The following FGD6 variants were observed in gnomAD, a reference collection of about 807,000 sequenced individuals.
The protein encoded by FGD6 is FYVE, RhoGEF and PH domain containing 6.
Under a neutral mutation model 149.4 loss-of-function variants are expected in FGD6, and 90 were observed. That is an observed-to-expected ratio of 0.60 (90% CI 0.51 to 0.72). The LOEUF is 0.72. FGD6 is among the 30% of genes least tolerant of loss of function. The pLI, the probability that FGD6 is intolerant of heterozygous loss-of-function variation, is 0.00. For synonymous variants in FGD6, 527 were observed against 584.0 expected (o/e 0.90, Z 1.41); for missense variants, 1,437 against 1,684.8 (o/e 0.85, Z 2.57).
chr12:95,155,292 C>T (rs376329949), intron 3 of FGD6, among the ~76,000 whole-genome samples: 4 of 152,088 alleles, frequency 2.6e-5, no homozygotes, highest in Non-Finnish European at 4.4e-5. Flanking sequence ...TTTGGCAGGC[C>T]GAGGCAGGTG....
intron 2 of FGD6, among the ~76,000 whole-genome samples, chr12:95,206,273 C>T (rs1307879242): frequency 6.6e-6 from 1 of 151,576 alleles, no homozygotes; most frequent in African/African-American, 2.4e-5. Context: ...TGTGAAGAAG[C>T]CAACCAAACT....
In FGD6 at chr12:95,079,628, A is replaced by C. The variant is rs1877606387; in HGVS notation, c.*1892T>G. The C allele has an allele frequency of 6.6e-6, 1 of 152,210 alleles. No homozygotes were observed. Among genetic ancestry groups the C allele is most frequent in the African/African-American group, 2.4e-5 (1 of 41,458 alleles). 9.4% of individuals were successfully genotyped at this position (152,210 alleles called of 1,614,324 possible). A position where few individuals can be genotyped will look rare whatever the true frequency, so the allele number is the denominator to read the frequency against. On this transcript the variant is annotated 3_prime_UTR_variant, in exon 21 of 21. Transcript: ENST00000343958. Reference sequence around the variant, plus strand: ...TGGAAGCCTTATTTATGTGATCTTGATTATATAAAATTGAGCTACAAAGAA... The same window carrying C: ...TGGAAGCCTTATTTATGTGATCTTGCTTATATAAAATTGAGCTACAAAGAA...
At chr12:95,117,996 G>A (rs751311346) in intron 8 of FGD6, among the ~76,000 whole-genome samples, 46 of 151,802 alleles carry the variant, frequency 3.0e-4, no homozygotes, top group Admixed American at 2.8e-3. Context: ...AGCTGAGATC[G>A]TGCCACTGCA....
chr12:95,105,188 T>A (rs1878572590), intron 13 of FGD6, 102 bp from the exon 14 acceptor site: 1 of 936,790 alleles, frequency 1.1e-6, no homozygotes, highest in Admixed American at 2.3e-5. Flanking sequence ...CCACAACCAA[T>A]CTTCCTATCC....
intron 2 of FGD6, among the ~76,000 whole-genome samples, chr12:95,181,957 AC>A (rs1458933743): frequency 1.6e-4 from 25 of 151,860 alleles, no homozygotes; most frequent in African/African-American, 5.3e-4. Context: ...AAAAAAAAAA[AC>A]AAAGGCAAGT....
intron 8 of FGD6, among the ~76,000 whole-genome samples, chr12:95,128,792 A>T (rs1359684525): frequency 5.9e-5 from 9 of 152,204 alleles, no homozygotes; most frequent in Admixed American, 5.9e-4. Context: ...GGGCCAACTT[A>T]TATAAATATT....
chr12:95,125,726 A>C (rs1879317569), intron 8 of FGD6: 1 of 581,502 alleles, frequency 1.7e-6, no homozygotes, highest in South Asian at 2.0e-5. Context: ...AACTACAATT[A>C]AAAATGAATT....
chr12:95,107,712 C>G lies in FGD6; in HGVS notation c.3265-81G>C. On this transcript the variant is annotated intron_variant, in intron 11 of 20. Coordinates refer to ENST00000343958, the MANE Select transcript of FGD6 (RefSeq NM_018351.4). ...ATAATTTCCTTTTCAACTTTCTTCCCTGAGAATTTTTTTCATGACAGACTG... is the reference window on the plus strand; with the variant it reads ...ATAATTTCCTTTTCAACTTTCTTCCGTGAGAATTTTTTTCATGACAGACTG... The G allele has an allele frequency of 4.7e-6, 7 of 1,495,740 alleles. No homozygotes were observed. The Admixed American group carries it at 7.0e-5, about 15-fold the overall frequency. The allele number at this position is 1,495,740 out of a possible 1,614,324, so 92.7% of individuals were successfully genotyped here. A position where few individuals can be genotyped will look rare whatever the true frequency, so the allele number is the denominator to read the frequency against.
rs1881428152 is a variant in FGD6 at position 95,186,225 on chromosome 12, C to CTTTTTTTTTTTTTTTTTTTTTTT, written c.2442-13482_2442-13481insAAAAAAAAAAAAAAAAAAAAAAA. On this transcript the variant is annotated intron_variant, in intron 2 of 20. Coordinates refer to ENST00000343958, the MANE Select transcript of FGD6 (RefSeq NM_018351.4). ...AGCTAAGAATGCTTCTTATATTCTT[C>CTTTTTTTTTTTTTTTTTTTTTTT]TTCTTTTTTTTTTTTTTTTTTTTTT... is the stretch of plus-strand genomic sequence containing the variant. 5.6e-5 allele frequency among the ~76,000 whole-genome samples: 4 copies of CTTTTTTTTTTTTTTTTTTTTTTT among 71,186 alleles called. 2 individuals carry two copies. The East Asian group carries it at 1.9e-3, about 34-fold the overall frequency. The allele number at this position is 71,186 out of a possible 152,430, so 46.7% of individuals were successfully genotyped here.
intron 8 of FGD6, among the ~76,000 whole-genome samples, chr12:95,122,738 A>T: frequency 6.7e-6 from 1 of 148,196 alleles, no homozygotes; most frequent in East Asian, 2.1e-4. Flanking sequence ...TTGAATCTGT[A>T]TGTGGCCTAG....
At chr12:95,095,572 G>A (rs1878205711) in intron 14 of FGD6, among the ~76,000 whole-genome samples, 1 of 151,922 alleles carries the variant, frequency 6.6e-6, no homozygotes, top group African/African-American at 2.4e-5. Flanking sequence ...GAGCAGAAAA[G>A]AGGAAGGGAG....
In FGD6 at chr12:95,079,055, A is replaced by ATAGCTT. The variant is rs1334353418; in HGVS notation, c.*2459_*2464dup. The ATAGCTT allele has an allele frequency of 6.6e-6, 1 of 152,172 alleles. No homozygotes were observed. The highest frequency in any genetic ancestry group is 1.5e-5 in the Non-Finnish European group (1 of 68,020). The allele number at this position is 152,172 out of a possible 1,614,324, so 9.4% of individuals were successfully genotyped here. ...TAAAATACTAGCAAAATATATTTTT[A>ATAGCTT]TAGCTTTTTTTACAATAAATTGCAT... is the stretch of plus-strand genomic sequence containing the variant. On this transcript the variant is annotated 3_prime_UTR_variant, in exon 21 of 21. Transcript: ENST00000343958.
chr12:95,197,004 A>G (rs1040371221), intron 2 of FGD6, among the ~76,000 whole-genome samples: 3 of 152,152 alleles, frequency 2.0e-5, no homozygotes, highest in African/African-American at 7.2e-5. Context: ...TAGATTCAGC[A>G]AGCCTTTTGG....
At chr12:95,095,333 G>A (rs2136235140) in intron 14 of FGD6, among the ~76,000 whole-genome samples, 1 of 152,120 alleles carries the variant, frequency 6.6e-6, no homozygotes, top group East Asian at 1.9e-4. Context: ...GCGCTAGATG[G>A]GAATGGGCCA....
At chr12:95,126,942 T>TA (rs1279039360) in intron 8 of FGD6, among the ~76,000 whole-genome samples, 1 of 151,494 alleles carries the variant, frequency 6.6e-6, no homozygotes, top group African/African-American at 2.4e-5. Flanking sequence ...AAATAAAAAA[T>TA]AAAAAAACAG....
chr12:95,166,854 C>CTT (rs60585670), intron 3 of FGD6, among the ~76,000 whole-genome samples: 3 of 107,808 alleles, frequency 2.8e-5, no homozygotes, highest in African/African-American at 7.0e-5. Context: ...GTTCTTTCTA[C>CTT]TTTTTTTTTT....
At chr12:95,208,253 A>G (rs1592878221) in intron 2 of FGD6, among the ~76,000 whole-genome samples, 1 of 151,802 alleles carries the variant, frequency 6.6e-6, no homozygotes, top group East Asian at 1.9e-4. Flanking sequence ...CCTCATCTCA[A>G]AAAAAAAATT....
chr12:95,150,454 T>A (rs1880277697), intron 5 of FGD6, among the ~76,000 whole-genome samples: 1 of 152,162 alleles, frequency 6.6e-6, no homozygotes, highest in East Asian at 1.9e-4. Context: ...TTGTACTTAA[T>A]TATATCAGAT....
chr12:95,193,226 A>C (rs557473139), intron 2 of FGD6, among the ~76,000 whole-genome samples: 2 of 152,212 alleles, frequency 1.3e-5, no homozygotes, highest in Non-Finnish European at 2.9e-5. Flanking sequence ...TATTTGTAAA[A>C]GCCAAACAGT....
Sources: allele counts gnomAD v4.1 joint callset (sites outside exome capture counted in the v4.1 genomes callset), GRCh38; gene constraint gnomAD v4.1.1; transcripts MANE v1.5; gene names NCBI Gene and HGNC (gene_info 2026-07-23, HGNC 2026-07-21).